Variants in MEGF10 observed in about 807,000 individuals in gnomAD.
MEGF10 encodes the protein multiple EGF like domains 10, also known as multiple epidermal growth factor-like domains protein 10.
MEGF10 carries 86 observed loss-of-function variants against 147.5 expected under a neutral mutation model. That is an observed-to-expected ratio of 0.58 (90% confidence interval 0.49 to 0.70). MEGF10 has a LOEUF of 0.70. Among genes scored for constraint, MEGF10 ranks in the 30% least tolerant of loss-of-function variants. The pLI, the probability that MEGF10 is intolerant of heterozygous loss-of-function variation, is 0.00. For missense variants in MEGF10, 1,329 were observed against 1,487.3 expected, an observed-to-expected ratio of 0.89 and a Z score of 1.75; for synonymous variants, 478 against 525.5, an observed-to-expected ratio of 0.91 and a Z score of 1.24.
Position 127,402,572 on chromosome 5 carries a change from C to T in MEGF10, c.807C>T (p.Pro269=), listed in dbSNP as rs146742773. The T allele has an allele frequency of 1.8e-4, 285 of 1,613,966 alleles. No individual in the cohort carries two copies. Among genetic ancestry groups the T allele is most frequent in the African/African-American group, 2.4e-4 (18 of 74,994 alleles). ...GCACAGTGTGTGGTCAGCCTTGCCC[C>T]GAGGGTCGCTTTGGAAAGAACTGTT... ...WMGTVCGQPC[P]EGRFGKNCSQ... The change falls in exon 8 of 25, where the codon CCC becomes CCT. Residue 269 remains proline, a synonymous_variant. Transcript: ENST00000503335.
intron 1 of MEGF10, among the ~76,000 whole-genome samples, chr5:127,315,649 G>T (rs930255493): frequency 2.0e-5 from 3 of 151,962 alleles, no homozygotes; most frequent in Admixed American, 1.3e-4. Context: ...TGGAATGCAT[G>T]TGTAGTCCCA....
chr5:127,314,692 CAT>C (rs1192026503), intron 1 of MEGF10, among the ~76,000 whole-genome samples: 2 of 152,190 alleles, frequency 1.3e-5, no homozygotes, highest in African/African-American at 4.8e-5. Flanking sequence ...AGGAATGAAT[CAT>C]AGGCTCTTTC....
intron 14 of MEGF10, 101 bp from the exon 15 acceptor site, chr5:127,434,586 G>A (rs900092839): frequency 8.5e-6 from 11 of 1,293,266 alleles, no homozygotes; most frequent in Non-Finnish European, 1.1e-5. Context: ...TTTTTTTAAG[G>A]TTTTGCTTTT....
rs141983383 is a variant in MEGF10, at chr5:127,334,032, T to G, written c.116+2608T>G. Among the ~76,000 whole-genome samples, 570 of 152,234 alleles carry G rather than the reference T, an allele frequency of 3.7e-3. 5 individuals carry two copies. Among genetic ancestry groups the G allele is most frequent in the African/African-American group, 0.013 (557 of 41,540 alleles). On this transcript the variant is annotated intron_variant, in intron 2 of 24. Transcript: ENST00000503335. ...ACTGATAAATTTTCTGTTGTAAGGC[T>G]AGATAATGATTTCTAGAAGAAAGGT... is the stretch of plus-strand genomic sequence containing the variant.
In MEGF10 at chr5:127,455,086, G is replaced by T. The variant is rs1458247945; in HGVS notation, c.3026-315G>T. On this transcript the variant is annotated intron_variant, in intron 23 of 24. Coordinates refer to ENST00000503335, the MANE Select transcript of MEGF10 (RefSeq NM_001256545.2). Reference sequence around the variant, plus strand: ...GGTGCTCCTGGGGCCATCAACAGCTGGTTTCTTGATTGAACTTCTGTAAAT... The same window carrying T: ...GGTGCTCCTGGGGCCATCAACAGCTTGTTTCTTGATTGAACTTCTGTAAAT... 1.3e-5 allele frequency among the ~76,000 whole-genome samples: 2 copies of T among 152,092 alleles called. 1 individual carries two copies. The highest frequency in any genetic ancestry group is 6.8e-3 in the Middle Eastern group (2 of 294).
chr5:127,435,617 A>G (rs180676774), intron 16 of MEGF10, 128 bp downstream of exon 16: 3 of 938,468 alleles, frequency 3.2e-6, no homozygotes, highest in Non-Finnish European at 4.4e-6. Flanking sequence ...GACACATTCT[A>G]CTTTAAATTC....
At chr5:127,345,351 C>T (rs1482648138) in intron 4 of MEGF10, among the ~76,000 whole-genome samples, 2 of 152,074 alleles carry the variant, frequency 1.3e-5, no homozygotes, top group East Asian at 3.9e-4. Flanking sequence ...TCTACTGAAC[C>T]CTCAGGCTGT....
the MEGF10 span, among the ~76,000 whole-genome samples, chr5:127,263,073 G>C: frequency 6.6e-6 from 1 of 152,112 alleles, no homozygotes; most frequent in Non-Finnish European, 1.5e-5. Context: ...ATGAGGTGTT[G>C]TCTACCTTTA....
chr5:127,420,160 A>C lies in MEGF10; in HGVS notation c.1543A>C (p.Thr515Pro). The C allele has an allele frequency of 1.2e-6, 2 of 1,614,178 alleles. No individual in the cohort carries two copies. Among genetic ancestry groups the C allele is most frequent in the Non-Finnish European group, 1.7e-6 (2 of 1,180,014 alleles). The change falls in exon 12 of 25, where the codon ACG becomes CCG. Residue 515 changes from threonine to proline, a missense_variant. Physicochemically the swap from Thr to Pro is conservative, Grantham distance 38. Transcript: ENST00000503335. ...GACNTLDGTC[T>P]CAPGWRGEKC... Reference sequence around the variant, plus strand: ...CTGCAACACCCTGGACGGGACCTGCACGTGTGCACCTGGATGGCGCGGGGA... The same window carrying C: ...CTGCAACACCCTGGACGGGACCTGCCCGTGTGCACCTGGATGGCGCGGGGA...
rs145787328 is a variant in MEGF10 at position 127,445,124 on chromosome 5, G to T, written c.2492-333G>T. Reference sequence around the variant, plus strand: ...TTCTTTATATTTTTTTAGGGACAGGGTCTTGCTATGTTGGCCAGGCTGGTC... The same window carrying T: ...TTCTTTATATTTTTTTAGGGACAGGTTCTTGCTATGTTGGCCAGGCTGGTC... On this transcript the variant is annotated intron_variant, in intron 19 of 24. Transcript: ENST00000503335. 1.6e-3 allele frequency: 380 copies of T among 233,304 alleles called. 2 individuals are homozygous for T. Among genetic ancestry groups the T allele is most frequent in the African/African-American group, 7.8e-3 (347 of 44,270 alleles). 14.5% of individuals were successfully genotyped at this position (233,304 alleles called of 1,614,324 possible).
intron 1 of MEGF10, among the ~76,000 whole-genome samples, chr5:127,325,649 C>T (rs1580715205): frequency 6.6e-6 from 1 of 151,904 alleles, no homozygotes; most frequent in South Asian, 2.1e-4. Flanking sequence ...GCTGTGAGCT[C>T]CTTCGGGATA....
At chr5:127,247,464 G>GAAGAAGAAGAAGAAGAAGAAGAAAGAAGA in the MEGF10 span, among the ~76,000 whole-genome samples, 2 of 138,940 alleles carry the variant, frequency 1.4e-5, no homozygotes, top group African/African-American at 5.5e-5. Flanking sequence ...AGAAGAAGAA[G>GAAGAAGAAGAAGAAGAAGAAGAAAGAAGA]AAGAAGAAGA....
At chr5:127,359,262 G>A (rs1762387215) in intron 4 of MEGF10, among the ~76,000 whole-genome samples, 1 of 151,632 alleles carries the variant, frequency 6.6e-6, no homozygotes, top group Non-Finnish European at 1.5e-5. Flanking sequence ...GTACATAGAG[G>A]ATTTGAGTGT....
intron 1 of MEGF10, among the ~76,000 whole-genome samples, chr5:127,315,001 A>G (rs1376653541): frequency 6.6e-6 from 1 of 152,178 alleles, no homozygotes; most frequent in Non-Finnish European, 1.5e-5. Flanking sequence ...CTGCTATTAA[A>G]GACTTTGAAT....
intron 2 of MEGF10, among the ~76,000 whole-genome samples, chr5:127,335,297 A>G (rs182795660): frequency 3.3e-5 from 5 of 152,264 alleles, no homozygotes; most frequent in African/African-American, 1.2e-4. Flanking sequence ...ATGGAAGCTC[A>G]GTGTTGCTCA....
chr5:127,403,162 C>A (rs540555217), intron 8 of MEGF10, among the ~76,000 whole-genome samples: 1 of 152,268 alleles, frequency 6.6e-6, no homozygotes, highest in Non-Finnish European at 1.5e-5. Flanking sequence ...GCCCTCTGGT[C>A]CCACACGAAA....
rs759234499 is a variant in MEGF10, at chr5:127,458,877, G to A, written c.*1559G>A. ...GGACACTCTTGAGAGTAAATGGAGG[G>A]CATTATTAATAATTATCTTGTAATG... On this transcript the variant is annotated 3_prime_UTR_variant, in exon 25 of 25. Transcript: ENST00000503335. 1.3e-5 allele frequency: 2 copies of A among 151,984 alleles called. No homozygotes were observed. Among genetic ancestry groups the A allele is most frequent in the Non-Finnish European group, 2.9e-5 (2 of 67,996 alleles). The allele number at this position is 151,984 out of a possible 1,614,324, so 9.4% of individuals were successfully genotyped here.
chr5:127,351,015 T>A (rs1580748411), intron 4 of MEGF10, among the ~76,000 whole-genome samples: 2 of 146,232 alleles, frequency 1.4e-5, no homozygotes, highest in African/African-American at 5.1e-5. Flanking sequence ...GGGGGTGGGG[T>A]AGGGGGAAAA....
In MEGF10 at chr5:127,410,522, G is replaced by A. The variant is rs761988715; in HGVS notation, c.1051G>A (p.Glu351Lys). Residue 351 changes from glutamate (E) to lysine (K), a missense_variant, in exon 9 of 25, where the codon GAA (glutamate) becomes AAA (lysine). Glu to Lys is a moderately conservative substitution (Grantham distance 56). This residue lies in a region of MEGF10 where 980 missense variants were observed against 1,085.9 expected (regional missense o/e 0.90). Coordinates refer to ENST00000503335, the MANE Select transcript of MEGF10 (RefSeq NM_001256545.2). Reference sequence around the variant, plus strand: ...AGCAGGCTTTGCTGGCGAGCGCTGCGAAGCACGCCTGTGTCCTGAGGGGCT... The same window carrying A: ...AGCAGGCTTTGCTGGCGAGCGCTGCAAAGCACGCCTGTGTCCTGAGGGGCT... ...CEAGFAGERC[E>K]ARLCPEGLYG... 89 of 1,613,636 alleles carry A rather than the reference G, an allele frequency of 5.5e-5. No homozygotes were observed. The highest frequency in any genetic ancestry group is 1.6e-4 in the Middle Eastern group (1 of 6,082).
Sources: allele counts gnomAD v4.1 joint callset (sites outside exome capture counted in the v4.1 genomes callset), GRCh38; gene constraint gnomAD v4.1.1; regional missense constraint gnomAD v4.1.1; transcripts MANE v1.5; gene names NCBI Gene and HGNC (gene_info 2026-07-23, HGNC 2026-07-21).